Variants in LRRIQ1 observed in about 807,000 individuals in gnomAD.
LRRIQ1 encodes leucine rich repeats and IQ motif containing 1.
A neutral mutation model predicts 211.9 loss-of-function variants in LRRIQ1; 210 were observed. The observed-to-expected ratio is 0.99, with a 90% CI of 0.89 to 1.11. LRRIQ1 has a LOEUF of 1.11. Ranked by LOEUF, LRRIQ1 falls within the 50% of genes most tolerant of loss-of-function variation. The pLI is 0.00. For synonymous variants in LRRIQ1, 699 were observed against 650.1 expected, an observed-to-expected ratio of 1.08 and a Z score of -1.14; for missense variants, 2,136 against 1,939.5, an observed-to-expected ratio of 1.10 and a Z score of -1.90.
At chr12:85,098,326 C>G (rs760864447) in intron 11 of LRRIQ1, 29 bp from the exon 12 acceptor site, 12 of 1,451,208 alleles carry the variant, frequency 8.3e-6, no homozygotes, top group Non-Finnish European at 1.1e-5. Context: ...CTGTATGACA[C>G]AGGTGATCTT....
At chr12:85,220,069 CA>C (rs1894325618) in intron 24 of LRRIQ1, among the ~76,000 whole-genome samples, 1 of 151,996 alleles carries the variant, frequency 6.6e-6, no homozygotes, top group African/African-American at 2.4e-5. Context: ...TAGTGTAAAT[CA>C]AAATTTTAGT....
exon 2 of LRRIQ1, chr12:85,263,954 G>A (rs961708476): frequency 2.6e-5 from 4 of 151,950 alleles, no homozygotes; most frequent in African/African-American, 9.7e-5. Context: ...TTCTCATTGA[G>A]CTGTTACTCT....
At position 85,224,112 on chromosome 12, in the gene LRRIQ1, G is replaced by T. The variant is rs573469270; in HGVS notation, c.4823-5405G>T. 2.0e-5 allele frequency among the ~76,000 whole-genome samples: 3 copies of T among 150,526 alleles called. No individual in the cohort carries two copies. In the East Asian group the frequency reaches 5.9e-4, roughly 29 times the overall value. On this transcript the variant is annotated intron_variant, in intron 24 of 26. Coordinates refer to ENST00000393217, the MANE Select transcript of LRRIQ1 (RefSeq NM_001079910.2). ...TATTCTTAATTCCATCTTTTAAAAT[G>T]GATTAATTATTTATGCAGACAGCAA...
At chr12:85,146,683 A>G (rs1353176348) in intron 19 of LRRIQ1, among the ~76,000 whole-genome samples, 2 of 151,694 alleles carry the variant, frequency 1.3e-5, no homozygotes, top group African/African-American at 4.8e-5. Context: ...AATAGTTATA[A>G]CTTCACCATT....
chr12:85,222,221 C>A (rs1183295950), intron 24 of LRRIQ1, among the ~76,000 whole-genome samples: 1 of 152,000 alleles, frequency 6.6e-6, no homozygotes, highest in Non-Finnish European at 1.5e-5. Flanking sequence ...GAATACATGT[C>A]TCAGAAGGAA....
intron 24 of LRRIQ1, among the ~76,000 whole-genome samples, chr12:85,169,123 C>T (rs1891289165): frequency 6.6e-6 from 1 of 152,182 alleles, no homozygotes; most frequent in Admixed American, 6.5e-5. Context: ...TAATGACATT[C>T]TCACAAGCAG....
intron 24 of LRRIQ1, among the ~76,000 whole-genome samples, chr12:85,180,267 A>G (rs536093210): frequency 5.3e-5 from 8 of 152,020 alleles, no homozygotes; most frequent in African/African-American, 1.4e-4. Flanking sequence ...TTGTCCCTTC[A>G]TTTTAAGGTT....
chr12:85,152,304 G>C lies in LRRIQ1; in HGVS notation c.4354G>C (p.Ala1452Pro). ...DEAALEEEWL[A>P]LDSTRFPSQT... ...GGCTGCCTTAGAAGAAGAATGGCTA[G>C]CATTAGATTCCACCCGCTTCCCTTC... Residue 1452 changes from alanine (A) to proline (P), a missense_variant, in exon 20 of 27, where the codon GCA becomes CCA. Ala to Pro is a conservative substitution (Grantham distance 27). Coordinates refer to ENST00000393217, the MANE Select transcript of LRRIQ1 (RefSeq NM_001079910.2). 1 of 1,611,102 alleles carries C rather than the reference G, an allele frequency of 6.2e-7. No homozygotes were observed.
chr12:85,152,369 G>T lies in LRRIQ1; in HGVS notation c.4419G>T (p.Lys1473Asn), dbSNP rs751613806. ...TTTCAAACCAGCTGCATTGGCCAAA[G>T]GTAACATGTCATGGAAACTTCTGAG... is the stretch of plus-strand genomic sequence containing the variant. ...LLLSNQLHWP[K>N]IPGNLKWDDT... The change falls in exon 20 of 27, where the codon AAG (lysine) becomes AAT (asparagine). Residue 1473 changes from lysine to asparagine, a missense_variant and splice_region_variant. Coordinates refer to ENST00000393217, the MANE Select transcript of LRRIQ1 (RefSeq NM_001079910.2). The T allele has an allele frequency of 2.5e-6, 4 of 1,608,884 alleles. No individual in the cohort carries two copies. The South Asian group carries it at 4.4e-5, about 18-fold the overall frequency.
intron 13 of LRRIQ1, among the ~76,000 whole-genome samples, chr12:85,101,248 T>G (rs1886321702): frequency 6.6e-6 from 1 of 151,862 alleles, no homozygotes; most frequent in Non-Finnish European, 1.5e-5. Flanking sequence ...ACAAATGGAA[T>G]ACATATAAAG....
At chr12:85,234,633 GGGAACT>G (rs1286621454) in intron 26 of LRRIQ1, among the ~76,000 whole-genome samples, 4 of 152,066 alleles carry the variant, frequency 2.6e-5, no homozygotes, top group African/African-American at 9.7e-5. Context: ...ACTTGTGCCA[GGGAACT>G]GGAGGCAGAT....
chr12:85,239,058 G>A (rs1449923582), intron 26 of LRRIQ1, among the ~76,000 whole-genome samples: 1 of 152,004 alleles, frequency 6.6e-6, no homozygotes, highest in Admixed American at 6.6e-5. Context: ...ATTGAAATGT[G>A]CAAGCCCTCT....
At position 85,098,643 on chromosome 12, in the gene LRRIQ1, A is replaced by G. The variant is rs1412364574; in HGVS notation, c.3081+95A>G. 3 of 1,013,312 alleles carry G rather than the reference A, an allele frequency of 3.0e-6. No homozygotes were observed. In the African/African-American group the frequency reaches 4.9e-5, roughly 17 times the overall value. 62.8% of individuals were successfully genotyped at this position (1,013,312 alleles called of 1,614,324 possible). A position where few individuals can be genotyped will look rare whatever the true frequency, so the allele number is the denominator to read the frequency against. On this transcript the variant is annotated intron_variant, in intron 12 of 26. Transcript: ENST00000393217. ...ATATTAAAAGCAATTTTGAATAATT[A>G]TTTTGTTCATTTTTCACCATGAAGT...
At chr12:85,212,049 T>C (rs1893861374) in intron 24 of LRRIQ1, among the ~76,000 whole-genome samples, 1 of 152,010 alleles carries the variant, frequency 6.6e-6, no homozygotes, top group Admixed American at 6.6e-5. Flanking sequence ...GGCAGGTTGC[T>C]TGAGTCCAGG....
intron 18 of LRRIQ1, among the ~76,000 whole-genome samples, chr12:85,136,370 T>C (rs186659115): frequency 1.1e-4 from 17 of 152,006 alleles, no homozygotes; most frequent in Non-Finnish European, 2.1e-4. Flanking sequence ...GTATGCTCTA[T>C]TGGAGGTTGT....
intron 17 of LRRIQ1, among the ~76,000 whole-genome samples, chr12:85,125,316 T>G (rs555537594): frequency 6.6e-6 from 1 of 152,356 alleles, no homozygotes; most frequent in African/African-American, 2.4e-5. Context: ...TTGGCATTAA[T>G]AGATCTATAA....
Position 85,065,419 on chromosome 12 carries a change from G to T in LRRIQ1, c.2544+5G>T. 6.3e-7 allele frequency: 1 copy of T among 1,592,100 alleles called. No homozygotes were observed. Among genetic ancestry groups the T allele is most frequent in the Non-Finnish European group, 8.6e-7 (1 of 1,168,032 alleles). On this transcript the variant is annotated splice_donor_5th_base_variant and intron_variant, in intron 9 of 26. Coordinates refer to ENST00000393217, the MANE Select transcript of LRRIQ1 (RefSeq NM_001079910.2). ...CTTAAGTACATTGATGCACAGGTAT[G>T]CTCTCTGCCCTACTGTTATTTATTT...
chr12:85,108,545 A>G (rs1189906210), intron 15 of LRRIQ1, among the ~76,000 whole-genome samples: 1 of 152,056 alleles, frequency 6.6e-6, no homozygotes, highest in Non-Finnish European at 1.5e-5. Context: ...TTTCTTACAC[A>G]TCAACAGAAG....
chr12:85,041,158 TA>T (rs535403319), intron 3 of LRRIQ1, among the ~76,000 whole-genome samples: 13 of 151,854 alleles, frequency 8.6e-5, no homozygotes, highest in Admixed American at 5.9e-4. Context: ...ATATTTAATG[TA>T]AAAAATATTC....
Sources: gnomAD v4.1 joint callset for allele counts (sites outside exome capture counted in the v4.1 genomes callset) on GRCh38, gnomAD v4.1.1 for gene constraint, MANE v1.5 for transcripts, NCBI Gene and HGNC (gene_info 2026-07-23, HGNC 2026-07-21) for gene names.